The following THSD7B variants were observed in gnomAD, a reference collection of about 807,000 sequenced individuals.
THSD7B encodes thrombospondin type-1 domain-containing protein 7B.
Under a neutral mutation model 213.6 loss-of-function variants are expected in THSD7B, and 138 were observed. The observed-to-expected ratio is 0.65, with a 90% confidence interval of 0.56 to 0.74. The LOEUF (loss-of-function observed/expected upper bound fraction) is 0.74, where lower values mean the gene tolerates loss of function less well. THSD7B is among the 30% of genes least tolerant of loss of function. THSD7B has a pLI of 0.00. For missense variants in THSD7B, 1,931 were observed against 1,991.5 expected, an observed-to-expected ratio of 0.97 and a Z score of 0.58; for synonymous variants, 742 against 687.0, an observed-to-expected ratio of 1.08 and a Z score of -1.25.
intron 15 of THSD7B, among the ~76,000 whole-genome samples, chr2:137,535,030 G>A (rs1680475303): frequency 6.6e-6 from 1 of 151,642 alleles, no homozygotes; most frequent in Non-Finnish European, 1.5e-5. Context: ...CAAATTTCAA[G>A]TATTCTTTAA....
chr2:136,798,375 A>G (rs1682110585), intron 1 of THSD7B, among the ~76,000 whole-genome samples: 1 of 151,978 alleles, frequency 6.6e-6, no homozygotes, highest in Non-Finnish European at 1.5e-5. Context: ...GCATGATTAT[A>G]GAGTTACAGA....
At chr2:137,390,958 G>A (rs1686010482) in intron 12 of THSD7B, among the ~76,000 whole-genome samples, 1 of 151,952 alleles carries the variant, frequency 6.6e-6, no homozygotes, top group African/African-American at 2.4e-5. Context: ...TTGCATCTAT[G>A]TTCACCAGGG....
intron 12 of THSD7B, among the ~76,000 whole-genome samples, chr2:137,355,428 A>G (rs1309296526): frequency 6.6e-6 from 1 of 152,190 alleles, no homozygotes; most frequent in African/African-American, 2.4e-5. Context: ...TCATAAACAC[A>G]AAGTTTTTCT....
intron 19 of THSD7B, 44 bp from the exon 20 acceptor site, chr2:137,620,565 A>T: frequency 6.8e-7 from 1 of 1,474,274 alleles, no homozygotes; most frequent in Non-Finnish European, 9.5e-7. Flanking sequence ...ATTTGACTAA[A>T]GAGTGATTTC....
At chr2:137,181,626 G>A (rs1271388994) in intron 7 of THSD7B, among the ~76,000 whole-genome samples, 1 of 152,144 alleles carries the variant, frequency 6.6e-6, no homozygotes, top group Non-Finnish European at 1.5e-5. Context: ...AATCTCCTCA[G>A]TATCCTGCAA....
At chr2:136,872,512 G>C (rs984502443) in intron 1 of THSD7B, among the ~76,000 whole-genome samples, 1 of 151,280 alleles carries the variant, frequency 6.6e-6, no homozygotes, top group African/African-American at 2.4e-5. Flanking sequence ...ATCTGAGAAC[G>C]TGATCTTTTA....
At chr2:137,306,607 A>G (rs1683752895) in intron 12 of THSD7B, among the ~76,000 whole-genome samples, 1 of 152,146 alleles carries the variant, frequency 6.6e-6, no homozygotes, top group Admixed American at 6.5e-5. Context: ...TTAAAAACTT[A>G]CATGTATCTT....
intron 1 of THSD7B, among the ~76,000 whole-genome samples, chr2:136,850,312 AT>A (rs5834509): frequency 0.79 from 119,289 of 151,888 alleles, 47,116 homozygotes; most frequent in Middle Eastern, 0.93. Context: ...TTTCAATATT[AT>A]GCCATGGAAA....
At chr2:137,090,025 A>T (rs1435498708) in intron 3 of THSD7B, among the ~76,000 whole-genome samples, 1 of 151,478 alleles carries the variant, frequency 6.6e-6, no homozygotes, top group Non-Finnish European at 1.5e-5. Flanking sequence ...GTAAAAAAAG[A>T]AAAAAGAAAA....
At position 137,579,855 on chromosome 2, in the gene THSD7B, A is replaced by G. The variant is rs1471501040; in HGVS notation, c.3423+7299A>G. Among the ~76,000 whole-genome samples the G allele has an allele frequency of 2.0e-5, 3 of 152,144 alleles. No homozygotes were observed. The East Asian group carries it at 5.8e-4, about 29-fold the overall frequency. On this transcript the variant is annotated intron_variant, in intron 17 of 27. Coordinates refer to ENST00000409968, the MANE Select transcript of THSD7B (RefSeq NM_001316349.2). ...TTGTTGTTGTTTGTACACCTTTATA[A>G]ACAAATGTCTTCACTCTCATTTTAA...
chr2:137,141,450 G>GA (rs1443795934), intron 5 of THSD7B, among the ~76,000 whole-genome samples: 2 of 151,542 alleles, frequency 1.3e-5, no homozygotes, highest in Non-Finnish European at 2.9e-5. Context: ...AATCTGCACA[G>GA]ATGATAAAAT....
intron 2 of THSD7B, among the ~76,000 whole-genome samples, chr2:136,998,261 C>CAAAAAAAAAAAAAAAAAAAAAAA (rs33931359): frequency 3.0e-5 from 3 of 98,388 alleles, no homozygotes; most frequent in Non-Finnish European, 4.3e-5. Context: ...ACTAAAAGGC[C>CAAAAAAAAAAAAAAAAAAAAAAA]AAAAAAAAAA....
intron 27 of THSD7B, 117 bp downstream of exon 27, chr2:137,667,978 T>A: frequency 1.4e-6 from 1 of 693,974 alleles, no homozygotes; most frequent in African/African-American, 1.8e-5. Context: ...GTCCAAAAAT[T>A]AACAGTAGAA....
Position 137,298,919 on chromosome 2 carries a change from G to A in THSD7B, c.2500+22893G>A, listed in dbSNP as rs142313608. Among the ~76,000 whole-genome samples the A allele has an allele frequency of 9.7e-4, 148 of 152,308 alleles. 3 individuals are homozygous for A. In the East Asian group the frequency reaches 0.026, roughly 27 times the overall value. ...AGAGCAGTGCAGAATGGAACTGTGGGGTTGGAGTCCCCACACAGAGTCCCT... is the reference window on the plus strand; with the variant it reads ...AGAGCAGTGCAGAATGGAACTGTGGAGTTGGAGTCCCCACACAGAGTCCCT... On this transcript the variant is annotated intron_variant, in intron 12 of 27. Transcript: ENST00000409968.
At chr2:136,986,801 T>C (rs1326945137) in intron 2 of THSD7B, among the ~76,000 whole-genome samples, 1 of 152,210 alleles carries the variant, frequency 6.6e-6, no homozygotes, top group African/African-American at 2.4e-5. Flanking sequence ...AAACTGCCAT[T>C]GTAAAATCTT....
chr2:137,546,548 G>A (rs1282342379), intron 15 of THSD7B, among the ~76,000 whole-genome samples: 4 of 121,322 alleles, frequency 3.3e-5, no homozygotes, highest in African/African-American at 9.5e-5. Context: ...GTTTACAAAC[G>A]TTTTTCTTTC....
Position 137,232,780 on chromosome 2 carries a change from C to T in THSD7B, c.1916-119C>T. On this transcript the variant is annotated intron_variant, in intron 8 of 27. Transcript: ENST00000409968. ...TAGACTGAGAAGAACAGTGCAGTGG[C>T]TCAGGTCTTTGGAAGGCTGTGTCAG... The T allele has an allele frequency of 6.8e-6, 6 of 888,430 alleles. No homozygotes were observed. In the South Asian group the frequency reaches 8.4e-5, roughly 12 times the overall value. 55.0% of individuals were successfully genotyped at this position (888,430 alleles called of 1,614,324 possible).
In THSD7B at chr2:137,591,582, C is replaced by T. The variant is rs141315805; in HGVS notation, c.3423+19026C>T. Among the ~76,000 whole-genome samples the T allele has an allele frequency of 4.5e-3, 686 of 151,970 alleles. 1 individual carries two copies. Among genetic ancestry groups the T allele is most frequent in the African/African-American group, 0.015 (635 of 41,520 alleles). ...CAGTGATTGCCTTTCTTAGAATACA[C>T]ATATATATTGAAAAAATTGGTTCCA... On this transcript the variant is annotated intron_variant, in intron 17 of 27. Transcript: ENST00000409968.
Position 137,275,872 on chromosome 2 carries a change from C to T in THSD7B, c.2397-51C>T, listed in dbSNP as rs185483753. 83 of 1,363,622 alleles carry T rather than the reference C, an allele frequency of 6.1e-5. 1 individual carries two copies. In the East Asian group the frequency reaches 1.8e-3, roughly 29 times the overall value. The allele number at this position is 1,363,622 out of a possible 1,614,324, so 84.5% of individuals were successfully genotyped here. On this transcript the variant is annotated intron_variant, in intron 11 of 27. Transcript: ENST00000409968. ...TTCAAACATATGTAAGTATTTCTTCCTCGTGTTGATCACAGTAAAGTTTCT... is the reference window on the plus strand; with the variant it reads ...TTCAAACATATGTAAGTATTTCTTCTTCGTGTTGATCACAGTAAAGTTTCT...
Sources: allele counts gnomAD v4.1 joint callset (sites outside exome capture counted in the v4.1 genomes callset), GRCh38; gene constraint gnomAD v4.1.1; transcripts MANE v1.5; gene names NCBI Gene and HGNC (gene_info 2026-07-23, HGNC 2026-07-21).